The following TRPM7 variants were observed in gnomAD, a reference collection of about 807,000 sequenced individuals.
TRPM7 encodes the protein transient receptor potential cation channel subfamily M member 7.
Under a neutral mutation model 229.7 loss-of-function variants are expected in TRPM7, and 134 were observed. The ratio of observed to expected loss-of-function variants is 0.58; its 90% CI spans 0.51 to 0.67. The LOEUF (loss-of-function observed/expected upper bound fraction) is 0.67, where lower values mean the gene tolerates loss of function less well. TRPM7 is among the 30% of genes least tolerant of loss of function. The pLI is 0.00. For synonymous variants in TRPM7, 699 were observed against 715.2 expected (o/e 0.98, Z 0.36); for missense variants, 1,901 against 2,210.0 (o/e 0.86, Z 2.80).
At chr15:50,630,607 C>T (rs1466927515) in intron 10 of TRPM7, among the ~76,000 whole-genome samples, 1 of 152,136 alleles carries the variant, frequency 6.6e-6, no homozygotes, top group African/African-American at 2.4e-5. Flanking sequence ...TTTTAAAATC[C>T]TATCTTTATA....
intron 31 of TRPM7, among the ~76,000 whole-genome samples, chr15:50,578,102 T>C (rs923946256): frequency 1.3e-5 from 2 of 152,160 alleles, no homozygotes; most frequent in Non-Finnish European, 2.9e-5. Flanking sequence ...GGAATGGAGA[T>C]ATAGGCAAAA....
At chr15:50,601,666 A>C (rs1219467704) in intron 21 of TRPM7, among the ~76,000 whole-genome samples, 1 of 151,864 alleles carries the variant, frequency 6.6e-6, no homozygotes, top group Non-Finnish European at 1.5e-5. Context: ...AATAAAGTAA[A>C]ATTTTTAAAA....
chr15:50,628,079 A>T, intron 11 of TRPM7, 70 bp downstream of exon 11: 1 of 1,102,634 alleles, frequency 9.1e-7, no homozygotes, highest in Non-Finnish European at 1.3e-6. Context: ...GTCAGGTCAC[A>T]GTTCCCGCAA....
chr15:50,679,194 G>A (rs1367994534), intron 1 of TRPM7, among the ~76,000 whole-genome samples: 1 of 150,940 alleles, frequency 6.6e-6, no homozygotes, highest in Admixed American at 6.6e-5. Context: ...TAATTAGCCA[G>A]GTTGGTGGTA....
At chr15:50,647,980 A>G (rs1203953656) in intron 4 of TRPM7, among the ~76,000 whole-genome samples, 3 of 152,196 alleles carry the variant, frequency 2.0e-5, no homozygotes, top group African/African-American at 4.8e-5. Flanking sequence ...GAGTCTCACT[A>G]TTTTGCCCAG....
At chr15:50,574,605 T>C in intron 35 of TRPM7, 32 bp downstream of exon 35, 1 of 1,589,812 alleles carries the variant, frequency 6.3e-7, no homozygotes, top group Non-Finnish European at 8.6e-7. Flanking sequence ...ATCCATATAA[T>C]AAAAGATCCC....
chr15:50,623,485 C>CCA (rs2060474079), intron 12 of TRPM7, among the ~76,000 whole-genome samples: 1 of 106,842 alleles, frequency 9.4e-6, no homozygotes, highest in Non-Finnish European at 2.2e-5. Context: ...TATTGCTGCC[C>CCA]CGCCCCCTCC....
chr15:50,571,735 AT>A (rs544087315), intron 36 of TRPM7, among the ~76,000 whole-genome samples: 52,236 of 152,176 alleles, frequency 0.34, 10,344 homozygotes, highest in Admixed American at 0.48. Flanking sequence ...ATATTGCTAC[AT>A]TGTTTAACTT....
intron 21 of TRPM7, among the ~76,000 whole-genome samples, chr15:50,602,265 G>A (rs774020719): frequency 5.3e-5 from 8 of 152,072 alleles, no homozygotes; most frequent in Non-Finnish European, 1.0e-4. Flanking sequence ...CCATCATTCT[G>A]AGCAAACTAT....
At chr15:50,655,437 G>GAAAAAAAA (rs199686585) in intron 3 of TRPM7, among the ~76,000 whole-genome samples, 59 of 89,170 alleles carry the variant, frequency 6.6e-4, no homozygotes, top group Middle Eastern at 6.8e-3. Flanking sequence ...CATCTCAAAG[G>GAAAAAAAA]AAAAAAAAAA....
intron 38 of TRPM7, among the ~76,000 whole-genome samples, chr15:50,567,358 T>C (rs1323819988): frequency 6.6e-6 from 1 of 152,122 alleles, no homozygotes; most frequent in East Asian, 1.9e-4. Flanking sequence ...TAAAACCATG[T>C]GACAAAGAAA....
intron 19 of TRPM7, 24 bp from the exon 20 acceptor site, chr15:50,607,352 TA>T (rs892153531): frequency 1.8e-5 from 27 of 1,505,232 alleles, no homozygotes; most frequent in Non-Finnish European, 2.4e-5. Flanking sequence ...AAAGGTTACA[TA>T]AATAACATTG....
At chr15:50,664,308 C>CAAAA (rs36108092) in intron 1 of TRPM7, among the ~76,000 whole-genome samples, 1 of 58,882 alleles carries the variant, frequency 1.7e-5, no homozygotes, top group African/African-American at 5.9e-5. Flanking sequence ...GACTCCGTCT[C>CAAAA]AAAAAAAAAA....
At chr15:50,649,701 C>T (rs1462436818) in intron 3 of TRPM7, among the ~76,000 whole-genome samples, 2 of 152,102 alleles carry the variant, frequency 1.3e-5, no homozygotes, top group Non-Finnish European at 2.9e-5. Context: ...TACCCAGAAG[C>T]ACATACTGGA....
intron 1 of TRPM7, among the ~76,000 whole-genome samples, chr15:50,669,142 T>A (rs1477173954): frequency 2.6e-5 from 4 of 152,046 alleles, no homozygotes; most frequent in Admixed American, 2.6e-4. Context: ...ACAGCTGAGG[T>A]CAGGCGCAGT....
chr15:50,590,385 A>G (rs1175001275), intron 26 of TRPM7, among the ~76,000 whole-genome samples: 1 of 152,198 alleles, frequency 6.6e-6, no homozygotes, highest in African/African-American at 2.4e-5. Context: ...TTTTGGCAAT[A>G]ACACTTTAAT....
chr15:50,584,510 T>TA (rs1293899103), intron 28 of TRPM7, among the ~76,000 whole-genome samples: 1 of 152,110 alleles, frequency 6.6e-6, no homozygotes, highest in Non-Finnish European at 1.5e-5. Context: ...GGTCAACAGA[T>TA]ACGGCCTAAA....
chr15:50,629,164 C>CTT (rs890375446), intron 10 of TRPM7, among the ~76,000 whole-genome samples: 1 of 135,050 alleles, frequency 7.4e-6, no homozygotes, highest in African/African-American at 3.0e-5. Flanking sequence ...AGGATATATA[C>CTT]TTTAAGGTTT....
At chr15:50,607,707 C>G (rs1050761749) in intron 19 of TRPM7, among the ~76,000 whole-genome samples, 2 of 151,982 alleles carry the variant, frequency 1.3e-5, no homozygotes, top group African/African-American at 2.4e-5. Context: ...TCAAGGAACA[C>G]ATGTTTCCTG....
Sources: allele counts gnomAD v4.1 joint callset (sites outside exome capture counted in the v4.1 genomes callset), GRCh38; gene constraint gnomAD v4.1.1; transcripts MANE v1.5; gene names NCBI Gene and HGNC (gene_info 2026-07-23, HGNC 2026-07-21).